The following EFL1 variants were observed in gnomAD, a reference collection of about 807,000 sequenced individuals.
EFL1 encodes elongation factor like GTPase 1, also known as elongation factor-like GTPase 1.
EFL1 carries 76 observed loss-of-function variants against 126.7 expected under a neutral mutation model. The ratio of observed to expected loss-of-function variants is 0.60; its 90% CI spans 0.50 to 0.73. The LOEUF (loss-of-function observed/expected upper bound fraction) is 0.73. Ranked by LOEUF, EFL1 falls within the 30% of genes least tolerant of loss-of-function variation. The probability of loss-of-function intolerance (pLI) is 0.00; values close to 1 mark genes in which losing one functional copy is unlikely to be tolerated. For synonymous variants in EFL1, 410 were observed against 448.4 expected (o/e 0.91, Z 1.08); for missense variants, 1,128 against 1,343.2 (o/e 0.84, Z 2.50).
intron 11 of EFL1, among the ~76,000 whole-genome samples, chr15:82,226,153 A>ATTG (rs71695485): frequency 9.2e-5 from 14 of 152,030 alleles, no homozygotes; most frequent in South Asian, 6.2e-4. Flanking sequence ...TAGTTGTTTC[A>ATTG]TTGTTGTTGT....
intron 16 of EFL1, among the ~76,000 whole-genome samples, chr15:82,159,238 G>T (rs1347511305): frequency 6.6e-6 from 1 of 152,090 alleles, no homozygotes; most frequent in Non-Finnish European, 1.5e-5. Flanking sequence ...GGCTTAAAAG[G>T]ATTCCTGCAA....
intron 15 of EFL1, among the ~76,000 whole-genome samples, chr15:82,183,121 G>A (rs2074269453): frequency 6.6e-6 from 1 of 152,180 alleles, no homozygotes; most frequent in African/African-American, 2.4e-5. Context: ...CAAAACCAGG[G>A]ATTTGTCCAG....
chr15:82,261,604 C>G (rs1446516168), intron 2 of EFL1, 84 bp downstream of exon 2: 18 of 1,288,406 alleles, frequency 1.4e-5, no homozygotes, highest in Non-Finnish European at 2.0e-5. Flanking sequence ...TCACTCTCAG[C>G]TGTCCACAGC....
At chr15:82,234,798 C>A (rs1246900667) in intron 7 of EFL1, among the ~76,000 whole-genome samples, 1 of 152,112 alleles carries the variant, frequency 6.6e-6, no homozygotes, top group East Asian at 1.9e-4. Flanking sequence ...ATGATCCCTG[C>A]AAATTACATG....
At chr15:82,204,207 ATC>A (rs1412402685) in intron 15 of EFL1, among the ~76,000 whole-genome samples, 1 of 152,086 alleles carries the variant, frequency 6.6e-6, no homozygotes, top group Non-Finnish European at 1.5e-5. Context: ...ATGTTTCTCT[ATC>A]CAGTATCACC....
intron 18 of EFL1, among the ~76,000 whole-genome samples, chr15:82,151,200 C>T (rs769878014): frequency 7.9e-5 from 12 of 152,192 alleles, no homozygotes; most frequent in South Asian, 2.1e-4. Flanking sequence ...ACCTGGGCAA[C>T]GTTGCGAAAC....
intron 3 of EFL1, among the ~76,000 whole-genome samples, chr15:82,256,322 T>C (rs2075066217): frequency 6.6e-6 from 1 of 152,258 alleles, no homozygotes; most frequent in Non-Finnish European, 1.5e-5. Context: ...TTTAAATTAC[T>C]GTATATTACC....
At chr15:82,153,107 G>A (rs1437428749) in intron 17 of EFL1, among the ~76,000 whole-genome samples, 1 of 152,108 alleles carries the variant, frequency 6.6e-6, no homozygotes, top group Non-Finnish European at 1.5e-5. Flanking sequence ...GTATGACTGA[G>A]GAACTAAATT....
intron 3 of EFL1, among the ~76,000 whole-genome samples, chr15:82,254,464 GA>G (rs35980181): frequency 0.079 from 11,591 of 145,954 alleles, 643 homozygotes; most frequent in African/African-American, 0.14. Context: ...ATTTCAAAAG[GA>G]AAAAAAAAAA....
intron 10 of EFL1, among the ~76,000 whole-genome samples, chr15:82,227,855 C>T (rs2074780817): frequency 6.6e-6 from 1 of 152,144 alleles, no homozygotes. Flanking sequence ...CTACAGGTGA[C>T]CTTGAAATGA....
chr15:82,136,297 C>G (rs2073721422), intron 19 of EFL1, among the ~76,000 whole-genome samples: 1 of 152,134 alleles, frequency 6.6e-6, no homozygotes, highest in Non-Finnish European at 1.5e-5. Flanking sequence ...AACCTACATC[C>G]TCTTTGTTCT....
At chr15:82,147,885 G>C (rs1014485456) in intron 18 of EFL1, among the ~76,000 whole-genome samples, 1 of 152,142 alleles carries the variant, frequency 6.6e-6, no homozygotes, top group Non-Finnish European at 1.5e-5. Flanking sequence ...AGGTGGATCA[G>C]TAGCATGTCC....
intron 15 of EFL1, among the ~76,000 whole-genome samples, chr15:82,176,367 G>T (rs905544639): frequency 6.6e-6 from 1 of 152,086 alleles, no homozygotes; most frequent in Non-Finnish European, 1.5e-5. Context: ...AAGAACTTCC[G>T]TTTATCAAGA....
chr15:82,259,472 T>G (rs1315775479), intron 2 of EFL1, among the ~76,000 whole-genome samples: 1 of 152,194 alleles, frequency 6.6e-6, no homozygotes, highest in Non-Finnish European at 1.5e-5. Context: ...CAGCTGGAAT[T>G]TGCTAAACTG....
intron 4 of EFL1, among the ~76,000 whole-genome samples, chr15:82,250,173 A>G (rs2075008755): frequency 1.4e-5 from 2 of 141,266 alleles, no homozygotes; most frequent in African/African-American, 5.4e-5. Context: ...ATTCTGGAGA[A>G]TCAGTACTAA....
chr15:82,181,312 A>C (rs550004316), intron 15 of EFL1, among the ~76,000 whole-genome samples: 3 of 152,304 alleles, frequency 2.0e-5, no homozygotes, highest in Admixed American at 1.3e-4. Flanking sequence ...CATATCCAGG[A>C]AAATAATATT....
At chr15:82,204,109 A>C (rs887408729) in intron 15 of EFL1, among the ~76,000 whole-genome samples, 3 of 152,216 alleles carry the variant, frequency 2.0e-5, no homozygotes, top group Non-Finnish European at 4.4e-5. Flanking sequence ...TTATGAAAGG[A>C]CATTTCACCG....
chr15:82,146,044 G>A (rs1463005628), intron 18 of EFL1, among the ~76,000 whole-genome samples: 1 of 151,896 alleles, frequency 6.6e-6, no homozygotes, highest in Non-Finnish European at 1.5e-5. Flanking sequence ...TCATTAGAGG[G>A]AAATTTCATG....
intron 18 of EFL1, among the ~76,000 whole-genome samples, chr15:82,148,416 T>G (rs1449243926): frequency 6.6e-6 from 1 of 151,824 alleles, no homozygotes; most frequent in African/African-American, 2.4e-5. Context: ...TTAGATGATT[T>G]GGGATTTTGG....
Sources: gnomAD v4.1 joint callset for allele counts (sites outside exome capture counted in the v4.1 genomes callset) on GRCh38, gnomAD v4.1.1 for gene constraint, MANE v1.5 for transcripts, NCBI Gene and HGNC (gene_info 2026-07-23, HGNC 2026-07-21) for gene names.